TPCN2: variants seen among roughly 807,000 people sequenced by gnomAD.
TPCN2 encodes two pore channel protein 2.
A neutral mutation model predicts 111.4 loss-of-function variants in TPCN2; 92 were observed. The ratio of observed to expected loss-of-function variants is 0.83; its 90% CI spans 0.70 to 0.98. The LOEUF (loss-of-function observed/expected upper bound fraction) is 0.98, where lower values mean the gene tolerates loss of function less well. Among genes scored for constraint, TPCN2 ranks in the 50% least tolerant of loss-of-function variants. The pLI is 0.00. For synonymous variants in TPCN2, 405 were observed against 414.5 expected, an observed-to-expected ratio of 0.98 and a Z score of 0.28; for missense variants, 995 against 980.1, an observed-to-expected ratio of 1.02 and a Z score of -0.20.
At chr11:69,085,343 G>GGT (rs1856225198) in intron 20 of TPCN2, 57 bp downstream of exon 20, 5 of 581,794 alleles carry the variant, frequency 8.6e-6, no homozygotes, top group East Asian at 4.3e-5. Context: ...GGGTGGGCGG[G>GGT]AAGCCTTGGC....
chr11:69,087,313 C>G lies in TPCN2; in HGVS notation c.2180+107C>G, dbSNP rs555768684. ...GGGCAGGCCCTGATGACTGTCCTCC[C>G]CCTCCGCCCGGTTATCTGGCTTTGG... On this transcript the variant is annotated intron_variant, in intron 24 of 24. Transcript: ENST00000294309. 4 of 911,498 alleles carry G rather than the reference C, an allele frequency of 4.4e-6. No homozygotes were observed. In the South Asian group the frequency reaches 4.5e-5, roughly 10 times the overall value. The allele number at this position is 911,498 out of a possible 1,614,324, so 56.5% of individuals were successfully genotyped here.
intron 8 of TPCN2, among the ~76,000 whole-genome samples, chr11:69,069,119 G>A (rs539713080): frequency 7.3e-6 from 1 of 136,634 alleles, no homozygotes; most frequent in African/African-American, 2.7e-5. Context: ...GGAAGTGACC[G>A]CAGTGGGAGC....
intron 4 of TPCN2, among the ~76,000 whole-genome samples, chr11:69,056,811 G>A (rs976390294): frequency 1.3e-5 from 2 of 151,460 alleles, no homozygotes; most frequent in Admixed American, 6.6e-5. Flanking sequence ...GATTACAGGT[G>A]TGAGCCACTG....
chr11:69,073,349 AC>A (rs1855620390), intron 13 of TPCN2, among the ~76,000 whole-genome samples: 1 of 152,168 alleles, frequency 6.6e-6, no homozygotes, highest in African/African-American at 2.4e-5. Context: ...CACCCTTGAC[AC>A]TTACAAAGTT....
At chr11:69,066,917 T>G (rs1299823702) in intron 7 of TPCN2, among the ~76,000 whole-genome samples, 1 of 152,150 alleles carries the variant, frequency 6.6e-6, no homozygotes, top group East Asian at 1.9e-4. Flanking sequence ...CAGCTGTGTT[T>G]TGTGGCTGGG....
intron 16 of TPCN2, chr11:69,079,624 C>A (rs949763530): frequency 5.4e-6 from 3 of 557,684 alleles, no homozygotes; most frequent in East Asian, 5.9e-5. Flanking sequence ...TCTGTGCAGT[C>A]CCCCGATTCC....
At chr11:69,067,264 C>T (rs1011693947) in intron 7 of TPCN2, among the ~76,000 whole-genome samples, 7 of 152,242 alleles carry the variant, frequency 4.6e-5, no homozygotes, top group Admixed American at 1.3e-4. Context: ...GGTTCTGAGC[C>T]GGCCTGCTTC....
chr11:69,056,969 C>G (rs1399055785), intron 4 of TPCN2, among the ~76,000 whole-genome samples: 3 of 152,138 alleles, frequency 2.0e-5, no homozygotes, highest in Non-Finnish European at 4.4e-5. Context: ...TCCCAAGTAG[C>G]TGGGATTACA....
chr11:69,084,613 G>A (rs574329943), intron 19 of TPCN2: 235 of 985,314 alleles, frequency 2.4e-4, no homozygotes, highest in Non-Finnish European at 2.7e-4. Context: ...GACAGGAGGC[G>A]CCCTTTGCAG....
At chr11:69,073,118 C>A in intron 13 of TPCN2, 117 bp downstream of exon 13, 2 of 733,598 alleles carry the variant, frequency 2.7e-6, no homozygotes, top group Non-Finnish European at 4.7e-6. Context: ...GCCAGGGATC[C>A]TGGCTCCTAG....
At chr11:69,058,764 AG>A (rs1036152373) in intron 5 of TPCN2, among the ~76,000 whole-genome samples, 4 of 151,136 alleles carry the variant, frequency 2.6e-5, no homozygotes, top group Non-Finnish European at 5.9e-5. Context: ...CTGACTCGGC[AG>A]CTTCCCGCAG....
At chr11:69,076,955 T>C (rs1855795496) in intron 13 of TPCN2, among the ~76,000 whole-genome samples, 1 of 62,978 alleles carries the variant, frequency 1.6e-5, no homozygotes, top group Non-Finnish European at 2.9e-5. Context: ...TCCTGCTGTG[T>C]CCCTCCACCT....
chr11:69,057,193 C>T (rs1400655172), intron 4 of TPCN2, among the ~76,000 whole-genome samples: 2 of 152,242 alleles, frequency 1.3e-5, no homozygotes, highest in African/African-American at 4.8e-5. Flanking sequence ...GACCAGACCT[C>T]ACTTCCCAAG....
chr11:69,081,173 T>TG (rs1195557187), intron 17 of TPCN2, among the ~76,000 whole-genome samples: 1 of 151,854 alleles, frequency 6.6e-6, no homozygotes, highest in Non-Finnish European at 1.5e-5. Context: ...GTTGGGGGGA[T>TG]GGGGGTCGCT....
intron 2 of TPCN2, 37 bp downstream of exon 2, chr11:69,054,134 G>C (rs755427221): frequency 1.1e-5 from 17 of 1,581,788 alleles, no homozygotes; most frequent in Middle Eastern, 1.8e-4. Flanking sequence ...GGGCCTGGGG[G>C]GTGGCCGCCC....
intron 3 of TPCN2, 131 bp from the exon 4 acceptor site, chr11:69,055,044 C>A: frequency 9.8e-7 from 1 of 1,017,790 alleles, no homozygotes; most frequent in Non-Finnish European, 1.5e-6. Flanking sequence ...GATTCGTGAT[C>A]TCCCCAGTCA....
rs1320675852 is a variant in TPCN2, at chr11:69,078,949, G to GCC, written c.1470_1471dup (p.Leu491ProfsTer54). The GCC allele has an allele frequency of 3.7e-6, 6 of 1,613,950 alleles. No homozygotes were observed. The highest frequency in any genetic ancestry group is 5.1e-6 in the Non-Finnish European group (6 of 1,180,014). On this transcript the variant is annotated frameshift_variant, in exon 16 of 25. Coordinates refer to ENST00000294309, the MANE Select transcript of TPCN2 (RefSeq NM_139075.4). LOFTEE classifies it high-confidence loss of function. Reference sequence around the variant, plus strand: ...GTTGGAGATGCTGCTCAAGGTCTTTGCCCTGGGCCTGCGAGGGTACCTGTC... The same window carrying GCC: ...GTTGGAGATGCTGCTCAAGGTCTTTGCCCCCTGGGCCTGCGAGGGTACCTGTC...
intron 14 of TPCN2, 39 bp downstream of exon 14, chr11:69,078,640 C>T (rs200779014): frequency 2.7e-5 from 44 of 1,613,500 alleles, no homozygotes; most frequent in Middle Eastern, 3.3e-4. Flanking sequence ...ACGGAAGTGC[C>T]GGTTCCCGCC....
intron 5 of TPCN2, among the ~76,000 whole-genome samples, chr11:69,061,067 G>A (rs903426403): frequency 6.6e-6 from 1 of 152,246 alleles, no homozygotes; most frequent in African/African-American, 2.4e-5. Flanking sequence ...GGACCTTGGT[G>A]AACAGAATAG....
Sources: gnomAD v4.1 joint callset for allele counts (sites outside exome capture counted in the v4.1 genomes callset) on GRCh38, gnomAD v4.1.1 for gene constraint, MANE v1.5 for transcripts, NCBI Gene and HGNC (gene_info 2026-07-23, HGNC 2026-07-21) for gene names.